Variants in MTF1 observed in about 807,000 individuals in gnomAD.
MTF1 encodes MRE-binding transcription factor.
A neutral mutation model predicts 70.4 loss-of-function variants in MTF1; 22 were observed. That is an observed-to-expected ratio of 0.31 (90% CI 0.22 to 0.45). The LOEUF (loss-of-function observed/expected upper bound fraction) is 0.45, where lower values mean the gene tolerates loss of function less well. Among genes scored for constraint, MTF1 ranks in the 20% least tolerant of loss-of-function variants. The pLI is 1.00. For missense variants in MTF1, 649 were observed against 922.0 expected (o/e 0.70, Z 3.83); for synonymous variants, 333 against 352.8 (o/e 0.94, Z 0.63).
chr1:37,851,054 G>C (rs1358564218), intron 2 of MTF1, among the ~76,000 whole-genome samples: 1 of 152,170 alleles, frequency 6.6e-6, no homozygotes, highest in Non-Finnish European at 1.5e-5. Context: ...GGCCAAATAA[G>C]TGGATTTTAA....
At chr1:37,825,425 T>G (rs889908290) in intron 7 of MTF1, among the ~76,000 whole-genome samples, 1 of 151,876 alleles carries the variant, frequency 6.6e-6, no homozygotes, top group Admixed American at 6.6e-5. Context: ...TCTGTAGAGA[T>G]AGGGTTTTAC....
rs1360940441 is a variant in MTF1 at position 37,810,857 on chromosome 1, G to A, written c.*4279C>T. The A allele has an allele frequency of 6.6e-6, 1 of 152,240 alleles. No homozygotes were observed. The highest frequency in any genetic ancestry group is 1.5e-5 in the Non-Finnish European group (1 of 68,038). 9.4% of individuals were successfully genotyped at this position (152,240 alleles called of 1,614,324 possible). A position where few individuals can be genotyped will look rare whatever the true frequency, so the allele number is the denominator to read the frequency against. ...TTTATAGGATTTAATGAAGGCTGGA[G>A]GCCTTTTTGCTTAAGGAACCAACAC... On this transcript the variant is annotated 3_prime_UTR_variant, in exon 11 of 11. Coordinates refer to ENST00000373036, the MANE Select transcript of MTF1 (RefSeq NM_005955.3).
rs534602954 is a variant in MTF1 at position 37,810,808 on chromosome 1, A to G, written c.*4328T>C. ...GTGGAGTAAAGGAAGAAAGTTGATA[A>G]TGATTCATGGGATGTAATGTTTGTT... On this transcript the variant is annotated 3_prime_UTR_variant, in exon 11 of 11. Transcript: ENST00000373036. The G allele has an allele frequency of 4.6e-5, 7 of 152,342 alleles. 1 individual carries two copies. The highest frequency in any genetic ancestry group is 1.7e-4 in the African/African-American group (7 of 41,586). 9.4% of individuals were successfully genotyped at this position (152,342 alleles called of 1,614,324 possible).
intron 2 of MTF1, among the ~76,000 whole-genome samples, chr1:37,852,837 G>T (rs781275733): frequency 4.6e-5 from 7 of 151,978 alleles, no homozygotes; most frequent in Middle Eastern, 3.2e-3. Context: ...CACCATGTTG[G>T]CCAGGCTGGT....
intron 8 of MTF1, among the ~76,000 whole-genome samples, chr1:37,823,065 A>G (rs1236253116): frequency 6.6e-6 from 1 of 152,238 alleles, no homozygotes; most frequent in Non-Finnish European, 1.5e-5. Context: ...TTCATGAAAC[A>G]CAGTATGATA....
At position 37,812,000 on chromosome 1, in the gene MTF1, C is replaced by T. The variant is rs1275221474; in HGVS notation, c.*3136G>A. On this transcript the variant is annotated 3_prime_UTR_variant, in exon 11 of 11. Coordinates refer to ENST00000373036, the MANE Select transcript of MTF1 (RefSeq NM_005955.3). ...TTGGTGGTGCCAGCCAGTTTCCTTA[C>T]CACCTCCTAAGTCCATGAACCCCAA... The T allele has an allele frequency of 6.5e-6, 1 of 152,688 alleles. No homozygotes were observed. The highest frequency in any genetic ancestry group is 6.5e-5 in the Admixed American group (1 of 15,282). 9.5% of individuals were successfully genotyped at this position (152,688 alleles called of 1,614,324 possible).
At chr1:37,816,674 C>CA (rs35764920) in intron 10 of MTF1, among the ~76,000 whole-genome samples, 39,357 of 95,528 alleles carry the variant, frequency 0.41, 7,389 homozygotes, top group Middle Eastern at 0.54. Flanking sequence ...GACTCCATCT[C>CA]AAAAAAAAAA....
intron 2 of MTF1, among the ~76,000 whole-genome samples, chr1:37,854,551 A>G (rs773850039): frequency 3.9e-5 from 6 of 152,212 alleles, no homozygotes; most frequent in Non-Finnish European, 8.8e-5. Flanking sequence ...AAATGTTTCT[A>G]GACATTGCCA....
chr1:37,827,323 C>A (rs957837495), intron 7 of MTF1, among the ~76,000 whole-genome samples: 6 of 145,560 alleles, frequency 4.1e-5, no homozygotes, highest in South Asian at 2.2e-4. Context: ...AGCTTTGCAA[C>A]CTCCTCATAG....
intron 2 of MTF1, among the ~76,000 whole-genome samples, chr1:37,856,436 C>T (rs1237568034): frequency 2.6e-5 from 4 of 151,072 alleles, no homozygotes; most frequent in African/African-American, 9.7e-5. Flanking sequence ...TCCCAAAGTG[C>T]TGGGATTACA....
chr1:37,818,103 A>G (rs1640847116), intron 9 of MTF1, among the ~76,000 whole-genome samples: 1 of 152,216 alleles, frequency 6.6e-6, no homozygotes, highest in South Asian at 2.1e-4. Context: ...CCCCACCTGT[A>G]AAAACAGGAA....
At position 37,813,567 on chromosome 1, in the gene MTF1, A is replaced by G. The variant is rs1640767906; in HGVS notation, c.*1569T>C. Reference sequence around the variant, plus strand: ...ATTAGGGAATGAAAATGCAAGGCAAAATTATGGCTGCTTCCTGCCTGACAC... The same window carrying G: ...ATTAGGGAATGAAAATGCAAGGCAAGATTATGGCTGCTTCCTGCCTGACAC... On this transcript the variant is annotated 3_prime_UTR_variant, in exon 11 of 11. Coordinates refer to ENST00000373036, the MANE Select transcript of MTF1 (RefSeq NM_005955.3). The G allele has an allele frequency of 6.6e-6, 1 of 152,268 alleles. No individual in the cohort carries two copies. Among genetic ancestry groups the G allele is most frequent in the Non-Finnish European group, 1.5e-5 (1 of 68,064 alleles). The allele number at this position is 152,268 out of a possible 1,614,324, so 9.4% of individuals were successfully genotyped here. A position where few individuals can be genotyped will look rare whatever the true frequency, so the allele number is the denominator to read the frequency against.
Position 37,840,214 on chromosome 1 carries a change from T to C in MTF1, c.409-56A>G. ...ACAAAAATGCTGCCCAGGGCTTAAC[T>C]CCCCCACCCAGAGCTCAGCTCCCAA... On this transcript the variant is annotated intron_variant, in intron 2 of 10. Coordinates refer to ENST00000373036, the MANE Select transcript of MTF1 (RefSeq NM_005955.3). The surrounding 1 kb of genome is among the most constrained non-coding windows in gnomAD (Gnocchi z 4.5). 6.7e-7 allele frequency: 1 copy of C among 1,499,982 alleles called. No homozygotes were observed. The highest frequency in any genetic ancestry group is 9.3e-7 in the Non-Finnish European group (1 of 1,079,886). The allele number at this position is 1,499,982 out of a possible 1,614,324, so 92.9% of individuals were successfully genotyped here. A position where few individuals can be genotyped will look rare whatever the true frequency, so the allele number is the denominator to read the frequency against.
intron 2 of MTF1, among the ~76,000 whole-genome samples, chr1:37,846,238 G>A (rs951444690): frequency 6.6e-6 from 1 of 152,092 alleles, no homozygotes; most frequent in Admixed American, 6.5e-5. Context: ...GGTTTGAGAA[G>A]TTTTACTGAT....
At position 37,833,971 on chromosome 1, in the gene MTF1, A is replaced by G. The variant is rs139178487; in HGVS notation, c.990+1108T>C. Among the ~76,000 whole-genome samples the G allele has an allele frequency of 8.6e-3, 1,307 of 152,262 alleles. 69 individuals are homozygous for G. The highest frequency in any genetic ancestry group is 0.075 in the Admixed American group (1,148 of 15,296). On this transcript the variant is annotated intron_variant, in intron 6 of 10. Transcript: ENST00000373036. ...CAGGGCACAGTGGCTCACATCTGTA[A>G]TCCCGGTACTTTGGGAGGCCAAGGC...
Position 37,814,676 on chromosome 1 carries a change from CT to C in MTF1, c.*459del, listed in dbSNP as rs1415246546. ...CTCTCTGATGGAGCAAGGGTCTGGC[CT>C]TCCAAGCAAATGTCAGCCTCAGATT... On this transcript the variant is annotated 3_prime_UTR_variant, in exon 11 of 11. Transcript: ENST00000373036. 1 of 177,202 alleles carries C rather than the reference CT, an allele frequency of 5.6e-6. No individual in the cohort carries two copies. The highest frequency in any genetic ancestry group is 2.4e-5 in the African/African-American group (1 of 41,668). 11.0% of individuals were successfully genotyped at this position (177,202 alleles called of 1,614,324 possible). A position where few individuals can be genotyped will look rare whatever the true frequency, so the allele number is the denominator to read the frequency against.
At chr1:37,826,721 G>C (rs977849221) in intron 7 of MTF1, 7 of 390,206 alleles carry the variant, frequency 1.8e-5, no homozygotes, top group African/African-American at 1.5e-4. Flanking sequence ...GCTCACACCT[G>C]TAATCCCAGC....
At chr1:37,837,205 C>G (rs1179772732) in intron 4 of MTF1, among the ~76,000 whole-genome samples, 3 of 152,106 alleles carry the variant, frequency 2.0e-5, no homozygotes, top group Non-Finnish European at 4.4e-5. Flanking sequence ...GGACCACACG[C>G]ATGCGCCACC....
At chr1:37,853,357 G>A (rs113683653) in intron 2 of MTF1, among the ~76,000 whole-genome samples, 1 of 152,046 alleles carries the variant, frequency 6.6e-6, no homozygotes, top group Non-Finnish European at 1.5e-5. Context: ...CTAGTCTAAG[G>A]GTCAGCACAC....
Sources: allele counts gnomAD v4.1 joint callset (sites outside exome capture counted in the v4.1 genomes callset), GRCh38; gene constraint gnomAD v4.1.1; non-coding constraint Gnocchi (gnomAD v3.1); transcripts MANE v1.5; gene names NCBI Gene and HGNC (gene_info 2026-07-23, HGNC 2026-07-21).